FOXJ3: variants seen among roughly 807,000 people sequenced by gnomAD.
FOXJ3 encodes the protein forkhead box protein J3.
In FOXJ3, 22 loss-of-function variants were observed where a neutral mutation model predicts 76.1. The ratio of observed to expected loss-of-function variants is 0.29; its 90% CI spans 0.21 to 0.41. The LOEUF is 0.41. Among genes scored for constraint, FOXJ3 ranks in the 10% least tolerant of loss-of-function variants. The pLI is 1.00. For missense variants in FOXJ3, 613 were observed against 762.1 expected (o/e 0.80, Z 2.30); for synonymous variants, 269 against 261.2 (o/e 1.03, Z -0.29).
intron 4 of FOXJ3, among the ~76,000 whole-genome samples, chr1:42,235,513 C>T (rs1184364669): frequency 1.3e-5 from 2 of 152,024 alleles, no homozygotes; most frequent in African/African-American, 2.4e-5. Context: ...GAGCTGTAGA[C>T]TGGAGCTGTT....
At chr1:42,284,381 T>C (rs1308903802) in intron 2 of FOXJ3, among the ~76,000 whole-genome samples, 1 of 152,222 alleles carries the variant, frequency 6.6e-6, no homozygotes, top group African/African-American at 2.4e-5. Flanking sequence ...AAATTTAGAA[T>C]GTTGGCATGT....
At chr1:42,224,012 A>G (rs1647349056) in intron 5 of FOXJ3, among the ~76,000 whole-genome samples, 2 of 152,270 alleles carry the variant, frequency 1.3e-5, no homozygotes, top group African/African-American at 4.8e-5. Flanking sequence ...GTTAATACAC[A>G]TAAAATCCTT....
At position 42,242,778 on chromosome 1, in the gene FOXJ3, C is replaced by T. The variant is rs188001898; in HGVS notation, c.445-14812G>A. Reference sequence around the variant, plus strand: ...TGAAAGGCATAGGAAGTTTATTTAACAAAGTAACAGCAGAAAACTTACCAA... The same window carrying T: ...TGAAAGGCATAGGAAGTTTATTTAATAAAGTAACAGCAGAAAACTTACCAA... On this transcript the variant is annotated intron_variant, in intron 4 of 12. Coordinates refer to ENST00000361346, the MANE Select transcript of FOXJ3 (RefSeq NM_014947.5). 2.8e-3 allele frequency among the ~76,000 whole-genome samples: 432 copies of T among 152,208 alleles called. 4 individuals carry two copies. The highest frequency in any genetic ancestry group is 4.2e-3 in the Non-Finnish European group (287 of 67,996).
intron 2 of FOXJ3, among the ~76,000 whole-genome samples, chr1:42,279,850 A>G (rs1447577870): frequency 6.6e-6 from 1 of 152,210 alleles, no homozygotes; most frequent in Non-Finnish European, 1.5e-5. Flanking sequence ...AAAAGTCAAA[A>G]GAAAACATTT....
chr1:42,269,394 C>T (rs1042572491), intron 3 of FOXJ3, among the ~76,000 whole-genome samples: 1 of 152,144 alleles, frequency 6.6e-6, no homozygotes, highest in Non-Finnish European at 1.5e-5. Context: ...GAAGTACACA[C>T]CTCTACAGTC....
At chr1:42,334,074 A>T in intron 1 of FOXJ3, 1 of 751,188 alleles carries the variant, frequency 1.3e-6, no homozygotes, top group Non-Finnish European at 1.6e-6. Context: ...CCAACACGGA[A>T]TAGTAAAACC....
intron 12 of FOXJ3, among the ~76,000 whole-genome samples, chr1:42,180,886 T>A (rs1311820509): frequency 6.6e-6 from 1 of 152,204 alleles, no homozygotes; most frequent in Non-Finnish European, 1.5e-5. Context: ...AGCCATTAAG[T>A]GGCAAAGCAT....
At chr1:42,202,162 C>A (rs1271690480) in intron 6 of FOXJ3, among the ~76,000 whole-genome samples, 2 of 151,948 alleles carry the variant, frequency 1.3e-5, no homozygotes, top group African/African-American at 2.4e-5. Flanking sequence ...ATTTACTAAT[C>A]TTTCCTTCTG....
At chr1:42,318,715 T>A (rs879755806) in intron 1 of FOXJ3, among the ~76,000 whole-genome samples, 2 of 152,186 alleles carry the variant, frequency 1.3e-5, no homozygotes. Flanking sequence ...AGACACAAAG[T>A]AACAAGTGTT....
intron 1 of FOXJ3, among the ~76,000 whole-genome samples, chr1:42,311,394 G>T (rs576158225): frequency 3.9e-5 from 6 of 152,228 alleles, no homozygotes; most frequent in African/African-American, 1.4e-4. Context: ...ATCTAAAGAA[G>T]CTGAGATTTC....
chr1:42,325,369 G>A (rs1368406989), intron 1 of FOXJ3, among the ~76,000 whole-genome samples: 1 of 152,170 alleles, frequency 6.6e-6, no homozygotes, highest in Admixed American at 6.5e-5. Flanking sequence ...TACTCATTCT[G>A]CCTTTCTAGT....
intron 4 of FOXJ3, among the ~76,000 whole-genome samples, chr1:42,254,831 G>A (rs1570065933): frequency 7.2e-6 from 1 of 139,398 alleles, no homozygotes; most frequent in Non-Finnish European, 1.5e-5. Flanking sequence ...GGGGGAGGGG[G>A]GAGGGATAGC....
At chr1:42,261,627 C>G (rs537387387) in intron 4 of FOXJ3, among the ~76,000 whole-genome samples, 1 of 152,230 alleles carries the variant, frequency 6.6e-6, no homozygotes, top group Non-Finnish European at 1.5e-5. Context: ...TCACACCTCT[C>G]TGGTAATACA....
At chr1:42,254,277 A>T (rs1650378896) in intron 4 of FOXJ3, among the ~76,000 whole-genome samples, 1 of 148,638 alleles carries the variant, frequency 6.7e-6, no homozygotes, top group African/African-American at 2.5e-5. Flanking sequence ...ACCATCTCAC[A>T]CCAGTTAGAA....
chr1:42,179,522 T>C lies in FOXJ3; in HGVS notation c.*188A>G, dbSNP rs1646275430. The C allele has an allele frequency of 6.9e-6, 3 of 436,982 alleles. No individual in the cohort carries two copies. The highest frequency in any genetic ancestry group is 2.0e-5 in the African/African-American group (1 of 50,012). 27.1% of individuals were successfully genotyped at this position (436,982 alleles called of 1,614,324 possible). On this transcript the variant is annotated 3_prime_UTR_variant, in exon 13 of 13. Coordinates refer to ENST00000361346, the MANE Select transcript of FOXJ3 (RefSeq NM_014947.5). ...AGCTGGCAGGGAGACAAACATGTAG[T>C]ACTTGCTTGGGTCAGATAAAAGCAG...
At chr1:42,284,716 A>T (rs958765059) in intron 2 of FOXJ3, among the ~76,000 whole-genome samples, 3 of 152,224 alleles carry the variant, frequency 2.0e-5, no homozygotes, top group Admixed American at 6.5e-5. Context: ...AGGCCTCACG[A>T]AAGCCACCTT....
At chr1:42,230,867 C>A (rs1489464088) in intron 4 of FOXJ3, among the ~76,000 whole-genome samples, 1 of 151,964 alleles carries the variant, frequency 6.6e-6, no homozygotes, top group Non-Finnish European at 1.5e-5. Context: ...CCAAAAGATA[C>A]GAAAGCAGGA....
At chr1:42,215,537 G>GA (rs1300541951) in intron 5 of FOXJ3, among the ~76,000 whole-genome samples, 4 of 151,666 alleles carry the variant, frequency 2.6e-5, no homozygotes, top group African/African-American at 7.3e-5. Context: ...GAAAAGGGCA[G>GA]AAAAAAATAG....
At chr1:42,225,536 A>G (rs1165618255) in intron 5 of FOXJ3, among the ~76,000 whole-genome samples, 1 of 152,182 alleles carries the variant, frequency 6.6e-6, no homozygotes, top group African/African-American at 2.4e-5. Context: ...TGTCCCCCTA[A>G]TTATATGCCC....
Sources: allele counts gnomAD v4.1 joint callset (sites outside exome capture counted in the v4.1 genomes callset), GRCh38; gene constraint gnomAD v4.1.1; transcripts MANE v1.5; gene names NCBI Gene and HGNC (gene_info 2026-07-23, HGNC 2026-07-21).